PTDSS2: variants seen among roughly 807,000 people sequenced by gnomAD.
PTDSS2 encodes PSS-2.
PTDSS2 carries 41 observed loss-of-function variants against 64.7 expected under a neutral mutation model. That is an observed-to-expected ratio of 0.63 (90% CI 0.49 to 0.82). The LOEUF is 0.82. Among genes scored for constraint, PTDSS2 ranks in the 40% least tolerant of loss-of-function variants. PTDSS2 has a pLI of 0.00. For missense variants in PTDSS2, 485 were observed against 650.0 expected (o/e 0.75, Z 2.76); for synonymous variants, 297 against 277.8 (o/e 1.07, Z -0.69).
At position 461,615 on chromosome 11, in the gene PTDSS2, C is replaced by T. The variant is rs568210143; in HGVS notation, c.284+1327C>T. ...CTCCCACCTTGCTGTCATCCCTCTC[C>T]CAGTCAGCTTTGCTGGCCCTTCCCC... On this transcript the variant is annotated intron_variant, in intron 2 of 11. Transcript: ENST00000308020. The surrounding 1 kb of genome is among the most constrained non-coding windows in gnomAD (Gnocchi z 4.2). 6.6e-6 allele frequency among the ~76,000 whole-genome samples: 1 copy of T among 152,292 alleles called. No individual in the cohort carries two copies. Among genetic ancestry groups the T allele is most frequent in the East Asian group, 1.9e-4 (1 of 5,172 alleles).
chr11:473,781 G>A, intron 2 of PTDSS2, 114 bp from the exon 3 acceptor site: 6 of 837,394 alleles, frequency 7.2e-6, no homozygotes, highest in East Asian at 2.4e-5. Flanking sequence ...CCTTCCTCCC[G>A]CCCCAGCATC....
chr11:467,931 G>A (rs1181199992), intron 2 of PTDSS2, among the ~76,000 whole-genome samples: 1 of 152,160 alleles, frequency 6.6e-6, no homozygotes, highest in Non-Finnish European at 1.5e-5. Context: ...GAGCCCAGGA[G>A]TTCAAGACCA....
In PTDSS2 at chr11:488,232, A is replaced by G; in HGVS notation, c.655A>G (p.Ile219Val). ...GATCCGAGACTGGTGGATGTGCATG[A>G]TCATCAGCGTGATGTTCGAGTTCCT... ...LMIRDWWMCM[I>V]ISVMFEFLEY... is the part of the protein sequence containing the mutation. Residue 219 changes from isoleucine (I) to valine (V), a missense_variant, in exon 7 of 12, where the codon ATC becomes GTC. This residue lies in a region of PTDSS2 where 251 missense variants were observed against 348.0 expected (regional missense o/e 0.72). Transcript: ENST00000308020. The G allele has an allele frequency of 6.2e-7, 1 of 1,613,520 alleles. No homozygotes were observed.
chr11:458,249 G>GA (rs1846687417), intron 1 of PTDSS2, among the ~76,000 whole-genome samples: 1 of 150,600 alleles, frequency 6.6e-6, no homozygotes, highest in African/African-American at 2.4e-5. Flanking sequence ...CTGTCGCCCA[G>GA]GCTGGAGTGC....
Position 489,491 on chromosome 11 carries a change from G to T in PTDSS2, c.946G>T (p.Ala316Ser). The T allele has an allele frequency of 6.2e-7, 1 of 1,613,148 alleles. No individual in the cohort carries two copies. Reference protein sequence around the residue: ...KPASSLRRWLAVCGIILVFLL... With the variant: ...KPASSLRRWLSVCGIILVFLL... ...GGCCTCCAGCCTGCGTCGCTGGCTG[G>T]CCGTGTGCGGCATCATCCTGGTGGT... The change falls in exon 9 of 12, where the codon GCC becomes TCC. Residue 316 changes from alanine to serine, a missense_variant. Coordinates refer to ENST00000308020, the MANE Select transcript of PTDSS2 (RefSeq NM_030783.3).
At position 479,379 on chromosome 11, in the gene PTDSS2, G is replaced by A; in HGVS notation, c.435+227G>A. On this transcript the variant is annotated intron_variant, in intron 4 of 11. Coordinates refer to ENST00000308020, the MANE Select transcript of PTDSS2 (RefSeq NM_030783.3). The surrounding 1 kb of genome is among the most constrained non-coding windows in gnomAD (Gnocchi z 4.2). ...CCTTCAAAACGTAGGCCGAGCTGCGGGGGGCCTCCAGGAGCATCTGCTGGT... is the reference window on the plus strand; with the variant it reads ...CCTTCAAAACGTAGGCCGAGCTGCGAGGGGCCTCCAGGAGCATCTGCTGGT... 1 of 599,084 alleles carries A rather than the reference G, an allele frequency of 1.7e-6. No individual in the cohort carries two copies. Among genetic ancestry groups the A allele is most frequent in the South Asian group, 1.9e-5 (1 of 51,478 alleles). 37.1% of individuals were successfully genotyped at this position (599,084 alleles called of 1,614,324 possible).
chr11:485,381 G>C (rs1273521989), intron 4 of PTDSS2, among the ~76,000 whole-genome samples: 1 of 146,818 alleles, frequency 6.8e-6, no homozygotes, highest in Non-Finnish European at 1.5e-5. Flanking sequence ...GCATGGGCAT[G>C]TGTGCTGTGT....
rs371391303 is a variant in PTDSS2 at position 485,983 on chromosome 11, C to T, written c.436-956C>T. Reference sequence around the variant, plus strand: ...CGGGCGCGCGTGTGCTCACCGTGCGCGCAGGCGAGCGTAAGCAGTGCACGG... The same window carrying T: ...CGGGCGCGCGTGTGCTCACCGTGCGTGCAGGCGAGCGTAAGCAGTGCACGG... On this transcript the variant is annotated intron_variant, in intron 4 of 11. Coordinates refer to ENST00000308020, the MANE Select transcript of PTDSS2 (RefSeq NM_030783.3). 8.5e-5 allele frequency among the ~76,000 whole-genome samples: 12 copies of T among 141,978 alleles called. 1 individual carries two copies. The highest frequency in any genetic ancestry group is 2.1e-4 in the Admixed American group (3 of 14,378). 93.1% of individuals were successfully genotyped at this position (141,978 alleles called of 152,430 possible).
chr11:488,537 G>T lies in PTDSS2; in HGVS notation c.744G>T (p.Met248Ile). ...FSECWWDHWI[M>I]DVLVCNGLGI... is the part of the protein sequence containing the mutation. ...CTGGCCCCTCCCTGCAGTGGATCAT[G>T]GACGTGCTCGTCTGCAACGGGCTGG... The change falls in exon 8 of 12, where the codon ATG (methionine) becomes ATT (isoleucine). Residue 248 changes from methionine to isoleucine, a missense_variant. This residue lies in a region of PTDSS2 where 251 missense variants were observed against 348.0 expected (regional missense o/e 0.72). Transcript: ENST00000308020. The T allele has an allele frequency of 1.2e-6, 2 of 1,613,262 alleles. No homozygotes were observed. The highest frequency in any genetic ancestry group is 1.7e-6 in the Non-Finnish European group (2 of 1,179,790).
At chr11:475,418 A>G (rs79392115) in intron 3 of PTDSS2, among the ~76,000 whole-genome samples, 171 of 59,434 alleles carry the variant, frequency 2.9e-3, no homozygotes, top group African/African-American at 5.5e-3. Context: ...ATATTCACGC[A>G]TTTGTGTGTA....
At chr11:464,045 G>A (rs555814850) in intron 2 of PTDSS2, 1 of 151,782 alleles carries the variant, frequency 6.6e-6, no homozygotes, top group East Asian at 1.9e-4. Flanking sequence ...GAGTGCAGTG[G>A]CGTGATGGCC....
intron 1 of PTDSS2, among the ~76,000 whole-genome samples, chr11:454,741 A>T (rs1846509216): frequency 6.6e-6 from 1 of 152,242 alleles, no homozygotes; most frequent in Admixed American, 6.5e-5. Context: ...GGAGGCAGAG[A>T]TCGCGCCAGT....
chr11:449,068 A>ATTTTTT (rs33967553), upstream of PTDSS2, among the ~76,000 whole-genome samples: 1 of 136,340 alleles, frequency 7.3e-6, no homozygotes, highest in African/African-American at 2.8e-5. Context: ...TTCACCTAGC[A>ATTTTTT]TTTTTTTTTT....
At chr11:490,180 C>T in intron 11 of PTDSS2, 112 bp downstream of exon 11, 5 of 1,251,254 alleles carry the variant, frequency 4.0e-6, no homozygotes, top group East Asian at 2.5e-5. Context: ...CTGCTTCAAC[C>T]CTCTGGCCGC....
chr11:477,615 C>T (rs529830728), intron 3 of PTDSS2, among the ~76,000 whole-genome samples: 7 of 152,308 alleles, frequency 4.6e-5, no homozygotes, highest in East Asian at 1.9e-4. Flanking sequence ...GAGAAAGATT[C>T]GACTTGGCAG....
In PTDSS2 at chr11:460,187, G is replaced by T. The variant is rs761410598; in HGVS notation, c.183G>T (p.Trp61Cys). The change falls in exon 2 of 12, where the codon TGG (tryptophan) becomes TGT (cysteine). Residue 61 changes from tryptophan (W) to cysteine (C), a missense_variant and splice_region_variant. Physicochemically the swap from Trp to Cys is radical, Grantham distance 215 (BLOSUM62 -2). Coordinates refer to ENST00000308020, the MANE Select transcript of PTDSS2 (RefSeq NM_030783.3). The surrounding 1 kb of genome is among the most constrained non-coding windows in gnomAD (Gnocchi z 5.8). Reference protein sequence around the residue: ...VYDDGTNTFFWRAHTLTVLFI... With the variant: ...VYDDGTNTFFCRAHTLTVLFI... ...ATGCTTATGCGTTTTTGGATTTCAGGCGAGCCCACACCTTAACCGTGCTCT... is the reference window on the plus strand; with the variant it reads ...ATGCTTATGCGTTTTTGGATTTCAGTCGAGCCCACACCTTAACCGTGCTCT... 1 of 1,613,922 alleles carries T rather than the reference G, an allele frequency of 6.2e-7. No homozygotes were observed. The highest frequency in any genetic ancestry group is 8.5e-7 in the Non-Finnish European group (1 of 1,179,848).
Position 489,477 on chromosome 11 carries a change from T to C in PTDSS2, c.932T>C (p.Leu311Pro), listed in dbSNP as rs752507601. The C allele has an allele frequency of 5.6e-6, 9 of 1,613,036 alleles. No homozygotes were observed. In the Admixed American group the frequency reaches 1.2e-4, roughly 21 times the overall value. Residue 311 changes from leucine to proline, a missense_variant, in exon 9 of 12, where the codon CTG (leucine) becomes CCG (proline). Physicochemically the swap from Leu to Pro is moderately conservative, Grantham distance 98. Coordinates refer to ENST00000308020, the MANE Select transcript of PTDSS2 (RefSeq NM_030783.3). ...TTCGAGTGGAAGCCGGCCTCCAGCC[T>C]GCGTCGCTGGCTGGCCGTGTGCGGC... ...VRFEWKPASSLRRWLAVCGII... is the reference protein window; with the variant it reads ...VRFEWKPASSPRRWLAVCGII...
At chr11:475,341 C>T (rs1017570329) in intron 3 of PTDSS2, among the ~76,000 whole-genome samples, 9 of 150,004 alleles carry the variant, frequency 6.0e-5, no homozygotes, top group Admixed American at 1.3e-4. Flanking sequence ...GACATTCACG[C>T]GTTTGTGTGT....
chr11:473,254 G>A (rs1847564247), intron 2 of PTDSS2, among the ~76,000 whole-genome samples: 1 of 152,232 alleles, frequency 6.6e-6, no homozygotes, highest in African/African-American at 2.4e-5. Context: ...TTTGGTTGCA[G>A]TTACAGCTCT....
Sources: allele counts gnomAD v4.1 joint callset (sites outside exome capture counted in the v4.1 genomes callset), GRCh38; gene constraint gnomAD v4.1.1; regional missense constraint gnomAD v4.1.1; non-coding constraint Gnocchi (gnomAD v3.1); transcripts MANE v1.5; gene names NCBI Gene and HGNC (gene_info 2026-07-23, HGNC 2026-07-21).